The following PRPSAP1 variants were observed in gnomAD, a reference collection of about 807,000 sequenced individuals.
PRPSAP1 encodes phosphoribosyl pyrophosphate synthetase associated protein 1.
A neutral mutation model predicts 39.4 loss-of-function variants in PRPSAP1; 31 were observed. The ratio of observed to expected loss-of-function variants is 0.79; its 90% CI spans 0.59 to 1.06. The LOEUF (loss-of-function observed/expected upper bound fraction) is 1.06. Among genes scored for constraint, PRPSAP1 ranks in the 50% least tolerant of loss-of-function variants. The pLI, the probability that PRPSAP1 is intolerant of heterozygous loss-of-function variation, is 0.00. For missense variants in PRPSAP1, 430 were observed against 511.6 expected (o/e 0.84, Z 1.54); for synonymous variants, 212 against 192.6 (o/e 1.10, Z -0.83).
intron 3 of PRPSAP1, among the ~76,000 whole-genome samples, chr17:76,337,662 G>A (rs1463071520): frequency 6.6e-6 from 1 of 152,168 alleles, no homozygotes; most frequent in Non-Finnish European, 1.5e-5. Context: ...CGAGAGTGCA[G>A]TAGCACCATC....
At chr17:76,332,513 A>C in intron 3 of PRPSAP1, 78 bp from the exon 4 acceptor site, 1 of 1,524,338 alleles carries the variant, frequency 6.6e-7, no homozygotes, top group Non-Finnish European at 8.9e-7. Flanking sequence ...TATCAACTTA[A>C]CATGGGCTGC....
Position 76,312,915 on chromosome 17 carries a change from C to T in PRPSAP1, c.954G>A (p.Leu318=), listed in dbSNP as rs1358267068. 6.2e-7 allele frequency: 1 copy of T among 1,614,150 alleles called. No homozygotes were observed. The highest frequency in any genetic ancestry group is 1.1e-5 in the South Asian group (1 of 91,088). The change falls in exon 9 of 10, where the codon CTG becomes CTA. Residue 318 remains leucine (L), a synonymous_variant. Coordinates refer to ENST00000446526, the MANE Select transcript of PRPSAP1 (RefSeq NM_002766.3). The part of the protein sequence containing the change: ...KIYVMATHGI[L]SAEAPRLIEE... ...CAATCAGGCGAGGGGCCTCTGCAGA[C>T]AGGATGCCGTGGGTGGCCATAACAT...
At chr17:76,325,507 A>T (rs999045773) in intron 7 of PRPSAP1, among the ~76,000 whole-genome samples, 2 of 150,682 alleles carry the variant, frequency 1.3e-5, no homozygotes, top group South Asian at 2.1e-4. Flanking sequence ...GCCCATCCCA[A>T]CTTTCAACAA....
intron 2 of PRPSAP1, 37 bp from the exon 3 acceptor site, chr17:76,344,774 C>A: frequency 6.8e-7 from 1 of 1,468,170 alleles, no homozygotes; most frequent in Non-Finnish European, 9.3e-7. Context: ...TTAAGAAAAG[C>A]TCCTATGTTA....
intron 5 of PRPSAP1, 116 bp from the exon 6 acceptor site, chr17:76,330,214 A>G: frequency 1.1e-6 from 1 of 876,658 alleles, no homozygotes; most frequent in South Asian, 1.7e-5. Context: ...AATATGCTAG[A>G]ATTTTAGTCA....
chr17:76,315,467 G>A (rs1371763148), intron 7 of PRPSAP1, among the ~76,000 whole-genome samples: 1 of 152,068 alleles, frequency 6.6e-6, no homozygotes, highest in Non-Finnish European at 1.5e-5. Context: ...TGGCAAATCA[G>A]TTGAGCTGAA....
At position 76,353,618 on chromosome 17, in the gene PRPSAP1, G is replaced by A; in HGVS notation, c.86C>T (p.Ala29Val). Reference protein sequence around the residue: ...VPRARPVPPPAMNAARTGYRV... With the variant: ...VPRARPVPPPVMNAARTGYRV... Reference sequence around the variant, plus strand: ...GTAGCCGGTGCGAGCGGCGTTCATGGCCGGCGGGGGAACGGGGCGGGCGCG... The same window carrying A: ...GTAGCCGGTGCGAGCGGCGTTCATGACCGGCGGGGGAACGGGGCGGGCGCG... Residue 29 changes from alanine to valine, a missense_variant, in exon 1 of 10, where the codon GCC becomes GTC. Coordinates refer to ENST00000446526, the MANE Select transcript of PRPSAP1 (RefSeq NM_002766.3). 6.4e-7 allele frequency: 1 copy of A among 1,553,214 alleles called. No individual in the cohort carries two copies.
At position 76,310,530 on chromosome 17, in the gene PRPSAP1, A is replaced by G. The variant is rs1362099128; in HGVS notation, c.*1012T>C. The stretch of plus-strand genomic sequence containing the variant: ...ACCCAGGATGGATGGCAGTGGTACA[A>G]TCATAGTTCACTGCAGCTTCAACCT... On this transcript the variant is annotated 3_prime_UTR_variant, in exon 10 of 10. Transcript: ENST00000446526. 7 of 151,634 alleles carry G rather than the reference A, an allele frequency of 4.6e-5. No individual in the cohort carries two copies. The highest frequency in any genetic ancestry group is 1.7e-4 in the African/African-American group (7 of 41,158). The allele number at this position is 151,634 out of a possible 1,614,324, so 9.4% of individuals were successfully genotyped here. A position where few individuals can be genotyped will look rare whatever the true frequency, so the allele number is the denominator to read the frequency against.
chr17:76,311,684 G>A lies in PRPSAP1; in HGVS notation c.1016C>T (p.Thr339Ile). Reference protein sequence around the residue: ...SSVDEVVVTNTVPHEVQKLQC... With the variant: ...SSVDEVVVTNIVPHEVQKLQC... Reference sequence around the variant, plus strand: ...CAGCTTCTGAACCTCATGAGGGACAGTATTCGTCACCACCACCTAGTCACA... The same window carrying A: ...CAGCTTCTGAACCTCATGAGGGACAATATTCGTCACCACCACCTAGTCACA... The change falls in exon 10 of 10, where the codon ACT (threonine) becomes ATT (isoleucine). Residue 339 changes from threonine (T) to isoleucine (I), a missense_variant. Transcript: ENST00000446526. 1 of 1,613,860 alleles carries A rather than the reference G, an allele frequency of 6.2e-7. No homozygotes were observed.
At chr17:76,344,604 T>C (rs1405618745) in intron 3 of PRPSAP1, 67 bp downstream of exon 3, 4 of 1,285,716 alleles carry the variant, frequency 3.1e-6, no homozygotes, top group African/African-American at 1.5e-5. Flanking sequence ...GTTGTTCATA[T>C]GAAAAGATAA....
intron 7 of PRPSAP1, among the ~76,000 whole-genome samples, chr17:76,326,630 G>A (rs1471807616): frequency 1.3e-5 from 2 of 152,116 alleles, no homozygotes; most frequent in African/African-American, 2.4e-5. Context: ...AAGAAACAAA[G>A]AATAAAGCAG....
chr17:76,322,810 ACTCCGT>A (rs1648293018), intron 7 of PRPSAP1, among the ~76,000 whole-genome samples: 1 of 151,834 alleles, frequency 6.6e-6, no homozygotes, highest in South Asian at 2.1e-4. Flanking sequence ...ACATGGCAAA[ACTCCGT>A]CTCCACAAAA....
intron 8 of PRPSAP1, 39 bp downstream of exon 8, chr17:76,313,782 G>A: frequency 6.2e-7 from 1 of 1,608,812 alleles, no homozygotes; most frequent in Middle Eastern, 1.7e-4. Flanking sequence ...CCAAGAGCCA[G>A]GAGTGCCACC....
chr17:76,326,035 A>G (rs1159631501), intron 7 of PRPSAP1, among the ~76,000 whole-genome samples: 2 of 152,200 alleles, frequency 1.3e-5, no homozygotes, highest in Non-Finnish European at 2.9e-5. Context: ...TGGGACATCA[A>G]AAAATTCATG....
Position 76,312,923 on chromosome 17 carries a change from C to T in PRPSAP1, c.946G>A (p.Gly316Ser). Residue 316 changes from glycine (G) to serine (S), a missense_variant, in exon 9 of 10, where the codon GGC (glycine) becomes AGC (serine). This residue lies in a region of PRPSAP1 where 278 missense variants were observed against 376.3 expected (regional missense o/e 0.74). Coordinates refer to ENST00000446526, the MANE Select transcript of PRPSAP1 (RefSeq NM_002766.3). ...AYKIYVMATH[G>S]ILSAEAPRLI... The stretch of plus-strand genomic sequence containing the variant: ...CGAGGGGCCTCTGCAGACAGGATGC[C>T]GTGGGTGGCCATAACATAGATCTTA... 2 of 1,614,068 alleles carry T rather than the reference C, an allele frequency of 1.2e-6. No individual in the cohort carries two copies. The highest frequency in any genetic ancestry group is 1.7e-6 in the Non-Finnish European group (2 of 1,180,006).
intron 3 of PRPSAP1, among the ~76,000 whole-genome samples, chr17:76,343,589 CTT>C (rs796894003): frequency 1.3e-4 from 20 of 152,300 alleles, no homozygotes; most frequent in African/African-American, 4.6e-4. Flanking sequence ...AATCCCAAAA[CTT>C]TGGGAGGCTG....
rs1343431518 is a variant in PRPSAP1 at position 76,353,571 on chromosome 17, T to C, written c.133A>G (p.Thr45Ala). The change falls in exon 1 of 10, where the codon ACG becomes GCG. Residue 45 changes from threonine (T) to alanine (A), a missense_variant. Transcript: ENST00000446526. ...TGYRVFSANS[T>A]AACTELAKRI... is the part of the protein sequence containing the mutation. ...TTGGCCAGCTCCGTGCAGGCGGCCG[T>C]GGAGTTGGCCGAGAAGACTCGGTAG... 4 of 1,558,180 alleles carry C rather than the reference T, an allele frequency of 2.6e-6. No individual in the cohort carries two copies. Among genetic ancestry groups the C allele is most frequent in the Non-Finnish European group, 2.6e-6 (3 of 1,157,460 alleles).
intron 1 of PRPSAP1, among the ~76,000 whole-genome samples, chr17:76,351,889 G>T (rs1361362768): frequency 2.0e-5 from 3 of 152,066 alleles, no homozygotes; most frequent in African/African-American, 7.2e-5. Context: ...CTCAAGGTCA[G>T]GTAGGGTAAA....
chr17:76,313,082 C>T, intron 8 of PRPSAP1, 66 bp from the exon 9 acceptor site: 1 of 1,531,496 alleles, frequency 6.5e-7, no homozygotes. Context: ...TCAATGCACA[C>T]ACCACTCTAC....
Sources: gnomAD v4.1 joint callset for allele counts (sites outside exome capture counted in the v4.1 genomes callset) on GRCh38, gnomAD v4.1.1 for gene constraint, gnomAD v4.1.1 regional missense constraint, MANE v1.5 for transcripts, NCBI Gene and HGNC (gene_info 2026-07-23, HGNC 2026-07-21) for gene names.